The following CPNE2 variants were observed in gnomAD, a reference collection of about 807,000 sequenced individuals.
CPNE2 encodes copine 2, also known as copine-2.
Under a neutral mutation model 69.7 loss-of-function variants are expected in CPNE2, and 42 were observed. The observed-to-expected ratio is 0.60, with a 90% CI of 0.47 to 0.78. CPNE2 has a LOEUF of 0.78. CPNE2 is among the 30% of genes least tolerant of loss of function. The probability of loss-of-function intolerance (pLI) is 0.00; values close to 1 mark genes in which losing one functional copy is unlikely to be tolerated. For missense variants in CPNE2, 587 were observed against 732.0 expected, an observed-to-expected ratio of 0.80 and a Z score of 2.29; for synonymous variants, 294 against 289.8, an observed-to-expected ratio of 1.01 and a Z score of -0.15.
Position 57,130,734 on chromosome 16 carries a change from C to T in CPNE2, c.1116+2831C>T, listed in dbSNP as rs1014222200. Among the ~76,000 whole-genome samples, 18 of 151,810 alleles carry T rather than the reference C, an allele frequency of 1.2e-4. 1 individual carries two copies. Among genetic ancestry groups the T allele is most frequent in the Non-Finnish European group, 2.5e-4 (17 of 67,994 alleles). On this transcript the variant is annotated intron_variant, in intron 12 of 15. Coordinates refer to ENST00000290776, the MANE Select transcript of CPNE2 (RefSeq NM_152727.6). The surrounding 1 kb of genome is among the most constrained non-coding windows in gnomAD (Gnocchi z 4.1). ...TCCGTTTCACTGACCATGGCTGGGG[C>T]CATTATGGCAGAGACAAGATGGGGA...
chr16:57,137,038 A>G, intron 13 of CPNE2, 111 bp from the exon 14 acceptor site: 1 of 1,458,384 alleles, frequency 6.9e-7, no homozygotes, highest in Non-Finnish European at 9.2e-7. Context: ...TATGCTAGCC[A>G]TGGCAGGGAC....
At chr16:57,112,131 T>C (rs1439112956) in intron 2 of CPNE2, among the ~76,000 whole-genome samples, 1 of 152,184 alleles carries the variant, frequency 6.6e-6, no homozygotes, top group East Asian at 1.9e-4. Flanking sequence ...TTCCCATGGA[T>C]GTTGGCTCCT....
At chr16:57,133,274 C>T (rs993479637) in intron 12 of CPNE2, among the ~76,000 whole-genome samples, 1 of 152,030 alleles carries the variant, frequency 6.6e-6, no homozygotes, top group Admixed American at 6.5e-5. Context: ...GTGCCGGGCG[C>T]CTAAAGCAGA....
At chr16:57,093,299 A>T (rs1224506372) in intron 1 of CPNE2, among the ~76,000 whole-genome samples, 2 of 140,670 alleles carry the variant, frequency 1.4e-5, no homozygotes, top group Non-Finnish European at 3.1e-5. Context: ...GCAGAGGGGG[A>T]GTGGAGCTGG....
chr16:57,145,216 T>C (rs1368222262), intron 14 of CPNE2, among the ~76,000 whole-genome samples: 1 of 152,248 alleles, frequency 6.6e-6, no homozygotes, highest in African/African-American at 2.4e-5. Flanking sequence ...AAAGCCTAGC[T>C]GGAGACTATT....
intron 3 of CPNE2, 29 bp from the exon 4 acceptor site, chr16:57,115,447 C>T: frequency 6.4e-7 from 1 of 1,572,874 alleles, no homozygotes; most frequent in South Asian, 1.1e-5. Flanking sequence ...CGCTTCCTCA[C>T]TGAGCGCCCT....
chr16:57,134,083 T>C (rs895186393), intron 12 of CPNE2, among the ~76,000 whole-genome samples: 2 of 152,178 alleles, frequency 1.3e-5, no homozygotes, highest in South Asian at 2.1e-4. Flanking sequence ...CCCGAAGCCA[T>C]GCGAGCAGCA....
Position 57,113,225 on chromosome 16 carries a change from A to G in CPNE2, c.181-63A>G, listed in dbSNP as rs143625027. ...ACAAGTTAGCAGAATGATTTCCAGCAGCCTGCGAGGTCTTGGACCAGCTGC... is the reference window on the plus strand; with the variant it reads ...ACAAGTTAGCAGAATGATTTCCAGCGGCCTGCGAGGTCTTGGACCAGCTGC... On this transcript the variant is annotated intron_variant, in intron 2 of 15. Transcript: ENST00000290776. The G allele has an allele frequency of 1.2e-3, 1,787 of 1,486,796 alleles. 18 individuals carry two copies. In the African/African-American group the frequency reaches 0.022, roughly 18 times the overall value. The allele number at this position is 1,486,796 out of a possible 1,614,324, so 92.1% of individuals were successfully genotyped here.
intron 9 of CPNE2, 154 bp from the exon 10 acceptor site, chr16:57,123,260 A>T: frequency 2.7e-6 from 2 of 736,312 alleles, no homozygotes; most frequent in Non-Finnish European, 4.8e-6. Flanking sequence ...GCTTTGTTAT[A>T]GAGAGATTTG....
intron 13 of CPNE2, 137 bp downstream of exon 13, chr16:57,134,963 AG>A (rs2069867888): frequency 1.8e-5 from 17 of 951,982 alleles, no homozygotes; most frequent in Non-Finnish European, 2.7e-5. Flanking sequence ...AGAGTGACAG[AG>A]GGGGAAGAGC....
chr16:57,142,136 G>C (rs1188874080), intron 14 of CPNE2: 1 of 152,350 alleles, frequency 6.6e-6, no homozygotes, highest in African/African-American at 2.4e-5. Flanking sequence ...GGGAGACCAT[G>C]ATGAGTGACA....
At chr16:57,120,146 G>A (rs1221775288) in intron 7 of CPNE2, among the ~76,000 whole-genome samples, 7 of 152,064 alleles carry the variant, frequency 4.6e-5, no homozygotes, top group Middle Eastern at 3.4e-3. Flanking sequence ...GGCGGTGCAC[G>A]CCTGTAGTCC....
At chr16:57,138,336 G>A (rs1334311389) in intron 14 of CPNE2, among the ~76,000 whole-genome samples, 1 of 151,998 alleles carries the variant, frequency 6.6e-6, no homozygotes, top group African/African-American at 2.4e-5. Context: ...TCTCTCAGTG[G>A]ACCCTGCAGC....
At chr16:57,105,047 T>C (rs1047366363) in intron 1 of CPNE2, among the ~76,000 whole-genome samples, 1 of 152,142 alleles carries the variant, frequency 6.6e-6, no homozygotes, top group Non-Finnish European at 1.5e-5. Context: ...AGAGCCATGG[T>C]GGCATCTGAC....
In CPNE2 at chr16:57,110,765, G is replaced by C; in HGVS notation, c.23G>C (p.Gly8Ala). Residue 8 changes from glycine (G) to alanine (A), a missense_variant, in exon 2 of 16, where the codon GGT becomes GCT. Around this residue, in one of 5 missense-constraint regions of CPNE2, gnomAD observed 96 missense variants for 94.9 expected, o/e 1.01. Coordinates refer to ENST00000290776, the MANE Select transcript of CPNE2 (RefSeq NM_152727.6). ...CCCATGGCCCACATACCCAGTGGGGGTGCCCCAGCAGCGGGGGCAGCCCCC... is the reference window on the plus strand; with the variant it reads ...CCCATGGCCCACATACCCAGTGGGGCTGCCCCAGCAGCGGGGGCAGCCCCC... Reference protein sequence around the residue: MAHIPSGGAPAAGAAPMG... With the variant: MAHIPSGAAPAAGAAPMG... 1.9e-6 allele frequency: 3 copies of C among 1,612,300 alleles called. No individual in the cohort carries two copies. The highest frequency in any genetic ancestry group is 1.7e-6 in the Non-Finnish European group (2 of 1,179,126).
intron 8 of CPNE2, 76 bp from the exon 9 acceptor site, chr16:57,121,598 G>A (rs1414782189): frequency 7.0e-7 from 1 of 1,423,202 alleles, no homozygotes; most frequent in East Asian, 2.3e-5. Context: ...CTGTGGAAGG[G>A]ATTCTAGGGC....
chr16:57,117,447 G>T (rs1217721985), intron 4 of CPNE2, 49 bp from the exon 5 acceptor site: 1 of 1,587,534 alleles, frequency 6.3e-7, no homozygotes, highest in African/African-American at 1.3e-5. Context: ...ATCCTGCCTG[G>T]CAGGAGGCTG....
chr16:57,102,447 C>T (rs893977134), intron 1 of CPNE2, among the ~76,000 whole-genome samples: 7 of 152,140 alleles, frequency 4.6e-5, no homozygotes, highest in East Asian at 3.8e-4. Context: ...GGCCCCACCT[C>T]GAAGACCTTG....
chr16:57,105,913 C>T (rs1261353776), intron 1 of CPNE2: 1 of 152,262 alleles, frequency 6.6e-6, no homozygotes, highest in East Asian at 1.9e-4. Flanking sequence ...GAGGTGTTTC[C>T]ATCGTGCCCA....
Sources: gnomAD v4.1 joint callset for allele counts (sites outside exome capture counted in the v4.1 genomes callset) on GRCh38, gnomAD v4.1.1 for gene constraint, gnomAD v4.1.1 regional missense constraint, Gnocchi (gnomAD v3.1) non-coding constraint, MANE v1.5 for transcripts, NCBI Gene and HGNC (gene_info 2026-07-23, HGNC 2026-07-21) for gene names.